Variants in KPNA3 observed in about 807,000 individuals in gnomAD.
The protein encoded by KPNA3 is karyopherin subunit alpha 3.
Under a neutral mutation model 73.8 loss-of-function variants are expected in KPNA3, and 13 were observed. The ratio of observed to expected loss-of-function variants is 0.18; its 90% CI spans 0.11 to 0.28. The LOEUF (loss-of-function observed/expected upper bound fraction) is 0.28. Ranked by LOEUF, KPNA3 falls within the 10% of genes least tolerant of loss-of-function variation. The probability of loss-of-function intolerance (pLI) is 1.00; values close to 1 mark genes in which losing one functional copy is unlikely to be tolerated. For synonymous variants in KPNA3, 186 were observed against 206.9 expected, an observed-to-expected ratio of 0.90 and a Z score of 0.87; for missense variants, 360 against 618.1, an observed-to-expected ratio of 0.58 and a Z score of 4.43.
chr13:49,768,935 T>C (rs945749142), intron 1 of KPNA3, among the ~76,000 whole-genome samples: 4 of 152,194 alleles, frequency 2.6e-5, no homozygotes, highest in African/African-American at 9.7e-5. Flanking sequence ...TTACATTTCA[T>C]GCAAATAAGG....
rs573793584 is a variant in KPNA3 at position 49,765,980 on chromosome 13, T to C, written c.70-18987A>G. Among the ~76,000 whole-genome samples the C allele has an allele frequency of 7.8e-4, 118 of 151,664 alleles. No individual in the cohort carries two copies. In the Middle Eastern group the frequency reaches 0.014, roughly 17 times the overall value. On this transcript the variant is annotated intron_variant, in intron 1 of 16. Transcript: ENST00000261667. ...GGATCACTCCCTAGAAAACCCCACA[T>C]GTTCCTTAAGACATTCAAAACTGAG...
intron 2 of KPNA3, among the ~76,000 whole-genome samples, chr13:49,739,585 A>G (rs1594444722): frequency 6.6e-6 from 1 of 152,312 alleles, no homozygotes; most frequent in Non-Finnish European, 1.5e-5. Context: ...GGCCAGGTAA[A>G]CAGTACCTAT....
Position 49,706,290 on chromosome 13 carries a change from A to C in KPNA3, c.1115T>G (p.Met372Arg), listed in dbSNP as rs1381973441. Residue 372 changes from methionine to arginine, a missense_variant, in exon 13 of 17, where the codon ATG becomes AGG. Around this residue, in one of 3 missense-constraint regions of KPNA3, gnomAD observed 287 missense variants for 549.1 expected, o/e 0.52. Coordinates refer to ENST00000261667, the MANE Select transcript of KPNA3 (RefSeq NM_002267.4). Reference sequence around the variant, plus strand: ...AACCTTAGCAAGCTGATGAATTATCATAGGAATTAATCCAGCATCTATTAC... The same window carrying C: ...AACCTTAGCAAGCTGATGAATTATCCTAGGAATTAATCCAGCATCTATTAC... ...QAVIDAGLIP[M>R]IIHQLAKGDF... The C allele has an allele frequency of 1.2e-6, 2 of 1,613,892 alleles. No individual in the cohort carries two copies. Among genetic ancestry groups the C allele is most frequent in the African/African-American group, 2.7e-5 (2 of 74,948 alleles).
intron 6 of KPNA3, among the ~76,000 whole-genome samples, chr13:49,727,378 GC>G (rs1375929165): frequency 6.6e-6 from 1 of 150,984 alleles, no homozygotes; most frequent in Non-Finnish European, 1.5e-5. Context: ...AACCCAGGAG[GC>G]GGAGGTTGTG....
chr13:49,736,462 T>C (rs764300553), intron 2 of KPNA3, among the ~76,000 whole-genome samples: 6 of 152,190 alleles, frequency 3.9e-5, no homozygotes, highest in Non-Finnish European at 7.4e-5. Context: ...TCTTATCAAA[T>C]AGCTGCTTTT....
intron 10 of KPNA3, among the ~76,000 whole-genome samples, chr13:49,717,028 A>G (rs1174445303): frequency 6.6e-6 from 1 of 152,088 alleles, no homozygotes; most frequent in African/African-American, 2.4e-5. Flanking sequence ...AACGATTCCT[A>G]TTATTGCAAT....
intron 1 of KPNA3, among the ~76,000 whole-genome samples, chr13:49,775,810 A>C (rs888742151): frequency 6.6e-6 from 1 of 152,224 alleles, no homozygotes; most frequent in Non-Finnish European, 1.5e-5. Flanking sequence ...CAATATTGAA[A>C]AAAGAGTTTG....
intron 10 of KPNA3, among the ~76,000 whole-genome samples, chr13:49,713,674 C>CACACACACAA (rs563909268): frequency 0.024 from 3,373 of 141,898 alleles, 77 homozygotes; most frequent in South Asian, 0.078. Context: ...CACACACACA[C>CACACACACAA]AAAACAGAAA....
At chr13:49,786,007 T>C (rs943305056) in intron 1 of KPNA3, among the ~76,000 whole-genome samples, 1 of 152,230 alleles carries the variant, frequency 6.6e-6, no homozygotes, top group Non-Finnish European at 1.5e-5. Flanking sequence ...TAAACATTAA[T>C]GTGATACTAA....
intron 3 of KPNA3, 37 bp from the exon 4 acceptor site, chr13:49,732,813 T>C: frequency 1.4e-6 from 2 of 1,480,976 alleles, no homozygotes; most frequent in South Asian, 1.2e-5. Context: ...GCAGAGTTTA[T>C]TAACAAAATT....
chr13:49,748,849 G>A (rs570505437), intron 1 of KPNA3, among the ~76,000 whole-genome samples: 1 of 152,164 alleles, frequency 6.6e-6, no homozygotes, highest in East Asian at 1.9e-4. Context: ...TACAGAGAAT[G>A]TCTTACGCAT....
chr13:49,767,061 G>C (rs1386269408), intron 1 of KPNA3, among the ~76,000 whole-genome samples: 1 of 148,964 alleles, frequency 6.7e-6, no homozygotes, highest in African/African-American at 2.5e-5. Flanking sequence ...ACTAAACACA[G>C]GACATTATGT....
intron 6 of KPNA3, among the ~76,000 whole-genome samples, chr13:49,727,881 C>G (rs934103829): frequency 2.0e-5 from 3 of 152,156 alleles, no homozygotes; most frequent in Admixed American, 1.3e-4. Flanking sequence ...GTACTTAAAA[C>G]TTTACGGGGA....
At chr13:49,725,950 T>C (rs1360128398) in intron 6 of KPNA3, among the ~76,000 whole-genome samples, 2 of 152,144 alleles carry the variant, frequency 1.3e-5, no homozygotes, top group Non-Finnish European at 2.9e-5. Context: ...CAGCCATCTC[T>C]ACTTAAAAAA....
At position 49,701,187 on chromosome 13, in the gene KPNA3, T is replaced by C. The variant is rs1199674909; in HGVS notation, c.*613A>G. ...AGATAATAAACACATCAATTACTGG[T>C]AGATGAAGTAGTTTTTTTTTTTTTT... On this transcript the variant is annotated 3_prime_UTR_variant, in exon 17 of 17. Coordinates refer to ENST00000261667, the MANE Select transcript of KPNA3 (RefSeq NM_002267.4). The C allele has an allele frequency of 6.1e-6, 1 of 164,450 alleles. No individual in the cohort carries two copies. Among genetic ancestry groups the C allele is most frequent in the East Asian group, 1.8e-4 (1 of 5,634 alleles). The allele number at this position is 164,450 out of a possible 1,614,324, so 10.2% of individuals were successfully genotyped here.
chr13:49,759,954 CAGAA>C (rs1381474011), intron 1 of KPNA3, among the ~76,000 whole-genome samples: 2 of 152,114 alleles, frequency 1.3e-5, no homozygotes, highest in African/African-American at 4.8e-5. Flanking sequence ...GTCAACATAA[CAGAA>C]AGAGACAGCC....
At chr13:49,788,735 TTTTA>T (rs71869003) in intron 1 of KPNA3, among the ~76,000 whole-genome samples, 27,728 of 122,736 alleles carry the variant, frequency 0.23, 3,420 homozygotes, top group Non-Finnish European at 0.31. Flanking sequence ...TTTTTTTTTT[TTTTA>T]AAAAAAAAAA....
At chr13:49,722,830 TAAAAAAA>T (rs10693298) in intron 7 of KPNA3, among the ~76,000 whole-genome samples, 15 of 79,636 alleles carry the variant, frequency 1.9e-4, no homozygotes, top group Admixed American at 4.6e-4. Context: ...TATAATCCAT[TAAAAAAA>T]AAAAAAAAAA....
At chr13:49,708,670 C>T (rs1026790827) in intron 12 of KPNA3, among the ~76,000 whole-genome samples, 8 of 152,108 alleles carry the variant, frequency 5.3e-5, no homozygotes, top group African/African-American at 1.9e-4. Flanking sequence ...GTGGTGTATA[C>T]ATACAATGGA....
Sources: allele counts gnomAD v4.1 joint callset (sites outside exome capture counted in the v4.1 genomes callset), GRCh38; gene constraint gnomAD v4.1.1; regional missense constraint gnomAD v4.1.1; transcripts MANE v1.5; gene names NCBI Gene and HGNC (gene_info 2026-07-23, HGNC 2026-07-21).